Variants in TXNRD1 observed in about 807,000 individuals in gnomAD.
TXNRD1 encodes the protein thioredoxin reductase 1.
In TXNRD1, 57 loss-of-function variants were observed where a neutral mutation model predicts 80.3. The ratio of observed to expected loss-of-function variants is 0.71; its 90% confidence interval spans 0.57 to 0.89. TXNRD1 has a LOEUF of 0.89. Ranked by LOEUF, TXNRD1 falls within the 40% of genes least tolerant of loss-of-function variation. The pLI, the probability that TXNRD1 is intolerant of heterozygous loss-of-function variation, is 0.00. For synonymous variants in TXNRD1, 291 were observed against 285.2 expected (o/e 1.02, Z -0.20); for missense variants, 730 against 803.0 (o/e 0.91, Z 1.10).
intron 16 of TXNRD1, among the ~76,000 whole-genome samples, chr12:104,346,489 C>T (rs1315352068): frequency 6.6e-6 from 1 of 152,162 alleles, no homozygotes; most frequent in Non-Finnish European, 1.5e-5. Context: ...AGAACCCAGG[C>T]TTGCAAATTG....
In TXNRD1 at chr12:104,287,994, G is replaced by T. The variant is rs569266264; in HGVS notation, c.305-937G>T. On this transcript the variant is annotated intron_variant, in intron 3 of 16. Transcript: ENST00000525566. The stretch of plus-strand genomic sequence containing the variant: ...TTTTTGTTTTTTGTTGGTTTTTTTT[G>T]TTTGTTTGTTTTTTGAGACGGAGTC... Among the ~76,000 whole-genome samples, 24 of 152,044 alleles carry T rather than the reference G, an allele frequency of 1.6e-4. No individual in the cohort carries two copies. In the East Asian group the frequency reaches 3.5e-3, roughly 22 times the overall value.
intron 4 of TXNRD1, among the ~76,000 whole-genome samples, chr12:104,301,791 A>T (rs4502051): frequency 0.91 from 138,060 of 152,288 alleles, 62,839 homozygotes; most frequent in African/African-American, 0.98. Flanking sequence ...TGGCCAGACT[A>T]GGGACAGATA....
intron 16 of TXNRD1, among the ~76,000 whole-genome samples, chr12:104,347,190 T>G (rs1410554799): frequency 6.6e-6 from 1 of 151,686 alleles, no homozygotes; most frequent in South Asian, 2.1e-4. Context: ...TTTTTTTTTT[T>G]GGATATGAAT....
chr12:104,349,854 A>C lies in TXNRD1; in HGVS notation c.*1433A>C, dbSNP rs2135909449. On this transcript the variant is annotated 3_prime_UTR_variant, in exon 17 of 17. Transcript: ENST00000525566. ...CTGGGCCACCTCAGGGAACCCATGCATCTGCCTGGCATTTAGGCAGCAGAG... is the reference window on the plus strand; with the variant it reads ...CTGGGCCACCTCAGGGAACCCATGCCTCTGCCTGGCATTTAGGCAGCAGAG... 1 of 152,738 alleles carries C rather than the reference A, an allele frequency of 6.5e-6. No individual in the cohort carries two copies. The allele number at this position is 152,738 out of a possible 1,614,324, so 9.5% of individuals were successfully genotyped here. A position where few individuals can be genotyped will look rare whatever the true frequency, so the allele number is the denominator to read the frequency against.
chr12:104,226,545 C>T (rs1005904727), intron 1 of TXNRD1, among the ~76,000 whole-genome samples: 3 of 152,180 alleles, frequency 2.0e-5, no homozygotes, highest in Non-Finnish European at 2.9e-5. Flanking sequence ...ATTATGGCTC[C>T]ACAAGTCATT....
At chr12:104,297,547 TAG>T (rs2034476402) in intron 4 of TXNRD1, among the ~76,000 whole-genome samples, 1 of 151,876 alleles carries the variant, frequency 6.6e-6, no homozygotes, top group Non-Finnish European at 1.5e-5. Flanking sequence ...GTATTTTTAG[TAG>T]AGACAAGATT....
At chr12:104,277,399 C>CA (rs373722163) in intron 3 of TXNRD1, among the ~76,000 whole-genome samples, 80,930 of 134,406 alleles carry the variant, frequency 0.6, 24,293 homozygotes, top group East Asian at 0.83. Context: ...GACTCTGTCT[C>CA]AAAAAAAAAA....
At chr12:104,340,900 A>C (rs558852153) in intron 16 of TXNRD1, among the ~76,000 whole-genome samples, 8 of 152,292 alleles carry the variant, frequency 5.3e-5, no homozygotes, top group African/African-American at 1.7e-4. Context: ...AAGCTTCAAT[A>C]GCCATTTTTG....
At chr12:104,326,022 C>T (rs1241636571) in intron 11 of TXNRD1, among the ~76,000 whole-genome samples, 2 of 152,158 alleles carry the variant, frequency 1.3e-5, no homozygotes, top group Admixed American at 6.5e-5. Context: ...CCTTTCATCT[C>T]CCCACGCAAC....
intron 13 of TXNRD1, among the ~76,000 whole-genome samples, chr12:104,330,808 G>A (rs1386981145): frequency 3.3e-5 from 5 of 151,896 alleles, no homozygotes; most frequent in African/African-American, 7.3e-5. Context: ...GGCTGGTCTC[G>A]AACTCCTGAC....
At chr12:104,249,734 GACCATCCTGGCTAACATGGTGAAA>G (rs1464994116) in intron 1 of TXNRD1, among the ~76,000 whole-genome samples, 1 of 151,964 alleles carries the variant, frequency 6.6e-6, no homozygotes, top group African/African-American at 2.4e-5. Context: ...AGGAGATCAA[GACCATCCTGGCTAACATGGTGAAA>G]CCCCGTCTCT....
chr12:104,312,179 G>C (rs531060742), intron 5 of TXNRD1, among the ~76,000 whole-genome samples: 4 of 152,034 alleles, frequency 2.6e-5, no homozygotes, highest in African/African-American at 9.6e-5. Context: ...GGAGCAATTG[G>C]GTTTCTTAAA....
At position 104,258,070 on chromosome 12, in the gene TXNRD1, G is replaced by T; in HGVS notation, c.295G>T (p.Asp99Tyr). The stretch of plus-strand genomic sequence containing the variant: ...TGTTCCTTATTTTGTGCTTGAACTT[G>T]ATCAAACAGGTAAGTTTCTGTTTAA... ...LCVPYFVLELDQTEDGRALEG... is the reference protein window; with the variant it reads ...LCVPYFVLELYQTEDGRALEG... Residue 99 changes from aspartate to tyrosine, a missense_variant, in exon 3 of 17, where the codon GAT (aspartate) becomes TAT (tyrosine). By Grantham distance (160) the Asp-to-Tyr change is radical (BLOSUM62 -3). Coordinates refer to ENST00000525566, the MANE Select transcript of TXNRD1 (RefSeq NM_001093771.3). The T allele has an allele frequency of 6.5e-7, 1 of 1,550,266 alleles. No homozygotes were observed. The highest frequency in any genetic ancestry group is 1.2e-5 in the South Asian group (1 of 83,234).
chr12:104,344,099 T>TA (rs375014676), intron 16 of TXNRD1, among the ~76,000 whole-genome samples: 20 of 147,800 alleles, frequency 1.4e-4, no homozygotes, highest in African/African-American at 3.0e-4. Flanking sequence ...CTATCTCAAA[T>TA]AAAAAAAAAA....
chr12:104,319,975 G>A (rs973014396), intron 9 of TXNRD1, among the ~76,000 whole-genome samples: 2 of 152,198 alleles, frequency 1.3e-5, no homozygotes, highest in African/African-American at 4.8e-5. Flanking sequence ...TGAGGATCAT[G>A]TATTACCCTT....
At chr12:104,286,229 G>A (rs189375150) in intron 3 of TXNRD1, 2 of 152,158 alleles carry the variant, frequency 1.3e-5, no homozygotes, top group Admixed American at 1.3e-4. Flanking sequence ...AATATTCATA[G>A]CCTGCTAGTG....
At chr12:104,293,798 A>G (rs1054935014) in intron 4 of TXNRD1, among the ~76,000 whole-genome samples, 1 of 152,168 alleles carries the variant, frequency 6.6e-6, no homozygotes, top group African/African-American at 2.4e-5. Context: ...CAATGCGCGG[A>G]GACCGGTAGT....
intron 7 of TXNRD1, among the ~76,000 whole-genome samples, chr12:104,317,978 A>G (rs1031254815): frequency 9.9e-5 from 15 of 152,196 alleles, no homozygotes; most frequent in Non-Finnish European, 2.2e-4. Context: ...CGTCTCTACT[A>G]AAAATATAAA....
At chr12:104,291,026 C>A in intron 4 of TXNRD1, 1 of 679,818 alleles carries the variant, frequency 1.5e-6, no homozygotes, top group South Asian at 1.6e-5. Flanking sequence ...CCAGGCTGGT[C>A]TTGAACTCCT....
Sources: gnomAD v4.1 joint callset for allele counts (sites outside exome capture counted in the v4.1 genomes callset) on GRCh38, gnomAD v4.1.1 for gene constraint, MANE v1.5 for transcripts, NCBI Gene and HGNC (gene_info 2026-07-23, HGNC 2026-07-21) for gene names.